Variants in STK32B observed in about 807,000 individuals in gnomAD.
STK32B encodes the protein serine/threonine-protein kinase 32B.
STK32B carries 43 observed loss-of-function variants against 52.6 expected under a neutral mutation model. That is an observed-to-expected ratio of 0.82 (90% CI 0.64 to 1.05). The LOEUF (loss-of-function observed/expected upper bound fraction) is 1.05, where lower values mean the gene tolerates loss of function less well. Among genes scored for constraint, STK32B ranks in the 50% least tolerant of loss-of-function variants. The pLI is 0.00. For missense variants in STK32B, 621 were observed against 534.6 expected, an observed-to-expected ratio of 1.16 and a Z score of -1.59; for synonymous variants, 238 against 204.3, an observed-to-expected ratio of 1.17 and a Z score of -1.41.
At chr4:5,040,392 T>TTC in the STK32B span, among the ~76,000 whole-genome samples, 2 of 42,340 alleles carry the variant, frequency 4.7e-5, no homozygotes, top group African/African-American at 8.3e-5. Context: ...AGTAGAATTT[T>TTC]TTTTTTTTTT....
At chr4:5,388,708 G>A (rs1461401945) in intron 4 of STK32B, among the ~76,000 whole-genome samples, 1 of 152,210 alleles carries the variant, frequency 6.6e-6, no homozygotes, top group Non-Finnish European at 1.5e-5. Flanking sequence ...TGTGTTGGCT[G>A]CGTGGACCAA....
intron 11 of STK32B, among the ~76,000 whole-genome samples, chr4:5,486,575 C>T (rs577843708): frequency 1.1e-4 from 17 of 152,338 alleles, no homozygotes; most frequent in East Asian, 1.9e-4. Flanking sequence ...ACGCTCGGTG[C>T]GCTGCACCCA....
intron 4 of STK32B, among the ~76,000 whole-genome samples, chr4:5,338,716 T>A (rs532362223): frequency 2.6e-5 from 4 of 152,238 alleles, no homozygotes; most frequent in African/African-American, 7.2e-5. Flanking sequence ...TCAGAAAAAA[T>A]TTTAAGTCAT....
chr4:5,462,473 T>C (rs1253946839), intron 9 of STK32B, among the ~76,000 whole-genome samples: 1 of 152,116 alleles, frequency 6.6e-6, no homozygotes. Flanking sequence ...AATGGCTCAA[T>C]GCTGGGGGCA....
intron 1 of STK32B, among the ~76,000 whole-genome samples, chr4:5,063,872 A>G (rs1560132880): frequency 6.6e-6 from 1 of 152,138 alleles, no homozygotes; most frequent in Non-Finnish European, 1.5e-5. Flanking sequence ...TGAGCATACA[A>G]TAGTATTTCA....
At chr4:5,036,196 A>G in the STK32B span, among the ~76,000 whole-genome samples, 16 of 152,232 alleles carry the variant, frequency 1.1e-4, no homozygotes, top group Admixed American at 3.3e-4. Flanking sequence ...GAATAATACT[A>G]TAGATGTGAA....
chr4:5,302,129 G>T (rs1195259983), intron 3 of STK32B, among the ~76,000 whole-genome samples: 2 of 150,540 alleles, frequency 1.3e-5, no homozygotes, highest in Admixed American at 6.6e-5. Flanking sequence ...TAACATTTTT[G>T]AGTTAAAACA....
intron 3 of STK32B, among the ~76,000 whole-genome samples, chr4:5,314,060 G>A (rs1730492638): frequency 1.3e-5 from 2 of 151,786 alleles, no homozygotes; most frequent in South Asian, 4.2e-4. Flanking sequence ...TGCAGACATA[G>A]ACAAACTTAT....
intron 3 of STK32B, among the ~76,000 whole-genome samples, chr4:5,311,914 A>ATT (rs1553869016): frequency 1.5e-3 from 223 of 145,476 alleles, no homozygotes; most frequent in Middle Eastern, 7.3e-3. Context: ...ATATATATAT[A>ATT]TTTTTTTTTA....
the STK32B span, among the ~76,000 whole-genome samples, chr4:5,035,521 C>A: frequency 1.8e-4 from 28 of 152,272 alleles, no homozygotes; most frequent in African/African-American, 6.5e-4. Context: ...CACACATGTG[C>A]CTGCACCTAA....
intron 4 of STK32B, among the ~76,000 whole-genome samples, chr4:5,334,631 A>T (rs1484581528): frequency 3.2e-4 from 48 of 151,872 alleles, no homozygotes; most frequent in African/African-American, 1.2e-3. Flanking sequence ...GATAGCTCTT[A>T]TTATTTTGAG....
At chr4:5,367,483 G>T (rs116342215) in intron 4 of STK32B, among the ~76,000 whole-genome samples, 2 of 151,246 alleles carry the variant, frequency 1.3e-5, no homozygotes, top group Non-Finnish European at 3.0e-5. Flanking sequence ...AGTGGAGGCT[G>T]GGGGGTCGCT....
At chr4:5,204,415 T>G (rs1722400372) in intron 3 of STK32B, among the ~76,000 whole-genome samples, 1 of 151,902 alleles carries the variant, frequency 6.6e-6, no homozygotes, top group South Asian at 2.1e-4. Context: ...TTTGTTTGTT[T>G]TTGTTTTTTA....
In STK32B at chr4:5,092,895, C is replaced by T. The variant is rs186724128; in HGVS notation, c.52+40980C>T. Reference sequence around the variant, plus strand: ...GACACAGATCCAAACTGTATCACATCGTGAATTTACATTATGTGAATTATA... The same window carrying T: ...GACACAGATCCAAACTGTATCACATTGTGAATTTACATTATGTGAATTATA... On this transcript the variant is annotated intron_variant, in intron 1 of 11. Coordinates refer to ENST00000282908, the MANE Select transcript of STK32B (RefSeq NM_018401.3). Among the ~76,000 whole-genome samples the T allele has an allele frequency of 5.4e-3, 824 of 151,962 alleles. 3 individuals carry two copies. The highest frequency in any genetic ancestry group is 9.5e-3 in the Admixed American group (145 of 15,274).
intron 4 of STK32B, among the ~76,000 whole-genome samples, chr4:5,333,264 C>G (rs1280882334): frequency 6.6e-6 from 1 of 152,072 alleles, no homozygotes; most frequent in Non-Finnish European, 1.5e-5. Flanking sequence ...GAGCATTTGG[C>G]TGCATAAATG....
chr4:5,498,998 G>C lies in STK32B; in HGVS notation c.1160G>C (p.Gly387Ala), dbSNP rs183352474. ...CAGCTCTTGGACACCGACAGCCGAGGGGGAGGCCAGGCCCAAAGCAAGCTC... is the reference window on the plus strand; with the variant it reads ...CAGCTCTTGGACACCGACAGCCGAGCGGGAGGCCAGGCCCAAAGCAAGCTC... ...GSQLLDTDSR[G>A]GGQAQSKLQD... The change falls in exon 12 of 12, where the codon GGG (glycine) becomes GCG (alanine). Residue 387 changes from glycine to alanine, a missense_variant. Transcript: ENST00000282908. 21 of 1,613,670 alleles carry C rather than the reference G, an allele frequency of 1.3e-5. No individual in the cohort carries two copies. The highest frequency in any genetic ancestry group is 6.7e-5 in the East Asian group (3 of 44,870).
intron 3 of STK32B, among the ~76,000 whole-genome samples, chr4:5,299,465 G>C (rs564820505): frequency 6.6e-6 from 1 of 152,234 alleles, no homozygotes; most frequent in East Asian, 1.9e-4. Flanking sequence ...GACATGTCAA[G>C]TTTTATTCTT....
intron 6 of STK32B, among the ~76,000 whole-genome samples, chr4:5,438,549 G>A (rs1714351324): frequency 6.6e-6 from 1 of 152,220 alleles, no homozygotes; most frequent in Non-Finnish European, 1.5e-5. Flanking sequence ...GGACGATGGG[G>A]AGGCCAAGCA....
intron 5 of STK32B, among the ~76,000 whole-genome samples, chr4:5,403,131 A>G (rs1044016671): frequency 6.6e-6 from 1 of 152,202 alleles, no homozygotes. Context: ...TGCCCTGCCC[A>G]GGGCTGGCCA....
Sources: allele counts gnomAD v4.1 joint callset (sites outside exome capture counted in the v4.1 genomes callset), GRCh38; gene constraint gnomAD v4.1.1; transcripts MANE v1.5; gene names NCBI Gene and HGNC (gene_info 2026-07-23, HGNC 2026-07-21).